NCKAP5: variants seen among roughly 807,000 people sequenced by gnomAD.
NCKAP5 encodes nck-associated protein 5.
In NCKAP5, 92 loss-of-function variants were observed where a neutral mutation model predicts 167.0. That is an observed-to-expected ratio of 0.55 (90% CI 0.47 to 0.66). The LOEUF is 0.66. Ranked by LOEUF, NCKAP5 falls within the 30% of genes least tolerant of loss-of-function variation. The probability of loss-of-function intolerance (pLI) is 0.00; values close to 1 mark genes in which losing one functional copy is unlikely to be tolerated. For missense variants in NCKAP5, 2,378 were observed against 2,315.0 expected, an observed-to-expected ratio of 1.03 and a Z score of -0.56; for synonymous variants, 891 against 877.4, an observed-to-expected ratio of 1.02 and a Z score of -0.27.
intron 2 of NCKAP5, among the ~76,000 whole-genome samples, chr2:133,556,553 TGTAGATTGTA>T (rs1687752924): frequency 6.6e-6 from 1 of 152,244 alleles, no homozygotes; most frequent in Middle Eastern, 3.2e-3. Context: ...GTGTATTCAG[TGTAGATTGTA>T]CACTAAGAAA....
chr2:133,520,853 G>A (rs764358539), intron 2 of NCKAP5, among the ~76,000 whole-genome samples: 8 of 152,132 alleles, frequency 5.3e-5, no homozygotes, highest in East Asian at 1.9e-4. Context: ...AATCATAAAC[G>A]TACAGTCCAA....
chr2:133,410,879 G>C (rs1688731789), intron 3 of NCKAP5, among the ~76,000 whole-genome samples: 1 of 152,174 alleles, frequency 6.6e-6, no homozygotes, highest in South Asian at 2.1e-4. Context: ...GACTACAACA[G>C]AATCTCTATG....
chr2:133,244,258 T>C (rs2150311363), intron 4 of NCKAP5, among the ~76,000 whole-genome samples: 1 of 152,346 alleles, frequency 6.6e-6, no homozygotes, highest in East Asian at 1.9e-4. Context: ...ATCATCTTTA[T>C]TGTCAAATTC....
intron 19 of NCKAP5, among the ~76,000 whole-genome samples, chr2:132,698,639 C>T (rs2105216478): frequency 6.6e-6 from 1 of 152,180 alleles, no homozygotes; most frequent in African/African-American, 2.4e-5. Flanking sequence ...TCAAGACTAT[C>T]CTGGCTAACA....
At chr2:132,895,473 T>A (rs968900400) in intron 8 of NCKAP5, among the ~76,000 whole-genome samples, 6 of 152,056 alleles carry the variant, frequency 3.9e-5, no homozygotes, top group Non-Finnish European at 8.8e-5. Context: ...TTTGTATATA[T>A]GCAGCATGAG....
At chr2:133,107,767 C>T (rs1204503045) in intron 6 of NCKAP5, among the ~76,000 whole-genome samples, 2 of 152,142 alleles carry the variant, frequency 1.3e-5, no homozygotes, top group Admixed American at 6.5e-5. Context: ...TAAGTTAGGG[C>T]GTCATCTAAA....
At position 132,980,757 on chromosome 2, in the gene NCKAP5, T is replaced by C. The variant is rs763818904; in HGVS notation, c.429+13395A>G. 1.1e-4 allele frequency among the ~76,000 whole-genome samples: 17 copies of C among 152,080 alleles called. No homozygotes were observed. The Middle Eastern group carries it at 0.01, about 91-fold the overall frequency. On this transcript the variant is annotated intron_variant, in intron 7 of 19. Transcript: ENST00000409261. ...TTCACTACCAGTCCCCCAGTGGTGATGTTCAAAAGCTCAGAAGAAAAAAAA... is the reference window on the plus strand; with the variant it reads ...TTCACTACCAGTCCCCCAGTGGTGACGTTCAAAAGCTCAGAAGAAAAAAAA...
intron 3 of NCKAP5, among the ~76,000 whole-genome samples, chr2:133,478,122 A>G (rs1680097968): frequency 6.6e-6 from 1 of 152,212 alleles, no homozygotes; most frequent in Non-Finnish European, 1.5e-5. Flanking sequence ...GGACTCCCTC[A>G]TGAAGAACTA....
rs2087659301 is a variant in NCKAP5, at chr2:133,240,745, AG to A, written c.144-26967del. On this transcript the variant is annotated intron_variant, in intron 4 of 19. Coordinates refer to ENST00000409261, the MANE Select transcript of NCKAP5 (RefSeq NM_207363.3). Reference sequence around the variant, plus strand: ...GCCCAGACCCAAGCTGGCATATGGCAGTTCCACCAACCACCTCCATATAGAA... The same window carrying A: ...GCCCAGACCCAAGCTGGCATATGGCATTCCACCAACCACCTCCATATAGAA... Among the ~76,000 whole-genome samples, 4 of 152,320 alleles carry A rather than the reference AG, an allele frequency of 2.6e-5. No individual in the cohort carries two copies. The South Asian group carries it at 8.3e-4, about 32-fold the overall frequency.
At chr2:133,315,348 A>C (rs76645725) in intron 3 of NCKAP5, among the ~76,000 whole-genome samples, 3,074 of 152,324 alleles carry the variant, frequency 0.02, 107 homozygotes, top group African/African-American at 0.069. Flanking sequence ...GAAATAAAAT[A>C]AAAATCGAAG....
intron 4 of NCKAP5, among the ~76,000 whole-genome samples, chr2:133,255,063 A>G (rs1319464211): frequency 1.3e-5 from 2 of 152,126 alleles, no homozygotes; most frequent in African/African-American, 2.4e-5. Context: ...TAATAAAATA[A>G]CTTCTTAGAT....
At chr2:132,920,563 TG>T (rs1695237089) in intron 8 of NCKAP5, among the ~76,000 whole-genome samples, 1 of 149,176 alleles carries the variant, frequency 6.7e-6, no homozygotes. Context: ...AACACTTGCC[TG>T]GGGGTGCTGT....
chr2:133,047,539 T>C (rs2079444571), intron 6 of NCKAP5, among the ~76,000 whole-genome samples: 1 of 152,232 alleles, frequency 6.6e-6, no homozygotes, highest in African/African-American at 2.4e-5. Flanking sequence ...ATATATGCTA[T>C]CATTTTTTGA....
chr2:132,958,727 T>C lies in NCKAP5; in HGVS notation c.579+4993A>G, dbSNP rs1364812016. 2.6e-5 allele frequency among the ~76,000 whole-genome samples: 4 copies of C among 152,292 alleles called. No homozygotes were observed. The East Asian group carries it at 5.8e-4, about 22-fold the overall frequency. On this transcript the variant is annotated intron_variant, in intron 8 of 19. Transcript: ENST00000409261. Reference sequence around the variant, plus strand: ...CTTTCACCTTTGCAGCTGCCTCCTCTTGCAATGTTCTTCCTCTGATCTTCA... The same window carrying C: ...CTTTCACCTTTGCAGCTGCCTCCTCCTGCAATGTTCTTCCTCTGATCTTCA...
upstream of NCKAP5, among the ~76,000 whole-genome samples, chr2:133,570,205 T>C (rs2105067116): frequency 6.6e-6 from 1 of 152,298 alleles, no homozygotes; most frequent in East Asian, 1.9e-4. Context: ...ATATAAATGA[T>C]TAACAGTGGT....
chr2:133,012,940 C>G (rs6760960), intron 6 of NCKAP5, among the ~76,000 whole-genome samples: 49,027 of 152,006 alleles, frequency 0.32, 8,568 homozygotes, highest in East Asian at 0.62. Flanking sequence ...GTCACCATAT[C>G]TCACACAGGC....
chr2:132,794,666 C>T (rs1684434155), intron 12 of NCKAP5, among the ~76,000 whole-genome samples: 1 of 151,568 alleles, frequency 6.6e-6, no homozygotes, highest in South Asian at 2.1e-4. Flanking sequence ...CACACACACA[C>T]ACACACACAC....
In NCKAP5 at chr2:132,731,723, A is replaced by T. The variant is rs1399931881; in HGVS notation, c.5443+14T>A. The T allele has an allele frequency of 6.4e-7, 1 of 1,560,322 alleles. No homozygotes were observed. Among genetic ancestry groups the T allele is most frequent in the Non-Finnish European group, 8.7e-7 (1 of 1,150,720 alleles). Reference sequence around the variant, plus strand: ...AGCAAATGTCTTATTAAGGGTGGGAAATTGGCATTTTACCTGAGGAAGCTG... The same window carrying T: ...AGCAAATGTCTTATTAAGGGTGGGATATTGGCATTTTACCTGAGGAAGCTG... On this transcript the variant is annotated intron_variant, in intron 17 of 19. Coordinates refer to ENST00000409261, the MANE Select transcript of NCKAP5 (RefSeq NM_207363.3).
intron 8 of NCKAP5, among the ~76,000 whole-genome samples, chr2:132,951,964 T>C (rs1412915970): frequency 2.0e-5 from 3 of 152,200 alleles, no homozygotes; most frequent in Non-Finnish European, 4.4e-5. Context: ...GATTTGGGGT[T>C]TTGTTTTCCA....
Sources: allele counts gnomAD v4.1 joint callset (sites outside exome capture counted in the v4.1 genomes callset), GRCh38; gene constraint gnomAD v4.1.1; transcripts MANE v1.5; gene names NCBI Gene and HGNC (gene_info 2026-07-23, HGNC 2026-07-21).